The following SLC13A3 variants were observed in gnomAD, a reference collection of about 807,000 sequenced individuals.
SLC13A3 encodes the protein solute carrier family 13 member 3, also known as Na(+)/dicarboxylate cotransporter 3.
SLC13A3 carries 40 observed loss-of-function variants against 59.0 expected under a neutral mutation model. The observed-to-expected ratio is 0.68, with a 90% CI of 0.53 to 0.88. SLC13A3 has a LOEUF of 0.88. Ranked by LOEUF, SLC13A3 falls within the 40% of genes least tolerant of loss-of-function variation. The pLI is 0.00. For synonymous variants in SLC13A3, 317 were observed against 330.3 expected (o/e 0.96, Z 0.44); for missense variants, 699 against 783.2 (o/e 0.89, Z 1.28).
At chr20:46,669,147 T>G (rs974296482) in intron 1 of SLC13A3, among the ~76,000 whole-genome samples, 1 of 152,194 alleles carries the variant, frequency 6.6e-6, no homozygotes, top group Non-Finnish European at 1.5e-5. Flanking sequence ...ACTGAACTCT[T>G]TTTCTTGTTG....
chr20:46,625,253 C>T (rs1186448394), intron 1 of SLC13A3, among the ~76,000 whole-genome samples: 1 of 152,212 alleles, frequency 6.6e-6, no homozygotes, highest in Non-Finnish European at 1.5e-5. Flanking sequence ...GAAAGGATTT[C>T]ACTTCAAATC....
intron 3 of SLC13A3, among the ~76,000 whole-genome samples, chr20:46,604,451 A>T (rs1230047510): frequency 6.6e-6 from 1 of 152,218 alleles, no homozygotes; most frequent in African/African-American, 2.4e-5. Context: ...CCCAAGCAAG[A>T]CACAAAAAAA....
At chr20:46,647,734 C>G (rs1205829780) in intron 1 of SLC13A3, among the ~76,000 whole-genome samples, 2 of 152,176 alleles carry the variant, frequency 1.3e-5, no homozygotes, top group African/African-American at 4.8e-5. Flanking sequence ...TCACCAGTCA[C>G]CAGGAACAGG....
intron 9 of SLC13A3, chr20:46,582,538 G>T: frequency 1.5e-6 from 1 of 684,150 alleles, no homozygotes; most frequent in Non-Finnish European, 1.8e-6. Flanking sequence ...AAGAGTTCGA[G>T]ACTGCGCTGA....
chr20:46,559,940 A>G lies in SLC13A3; in HGVS notation c.*82T>C. The G allele has an allele frequency of 1.5e-6, 2 of 1,361,728 alleles. No individual in the cohort carries two copies. The highest frequency in any genetic ancestry group is 2.7e-5 in the South Asian group (2 of 75,038). 84.4% of individuals were successfully genotyped at this position (1,361,728 alleles called of 1,614,324 possible). On this transcript the variant is annotated 3_prime_UTR_variant, in exon 13 of 13. Coordinates refer to ENST00000279027, the MANE Select transcript of SLC13A3 (RefSeq NM_022829.6). ...TTGGATTACAGAAAAGAATTATTTG[A>G]TTGTTTTGTAGTGTCCTAGCAGCAG... is the stretch of plus-strand genomic sequence containing the variant.
At position 46,621,109 on chromosome 20, in the gene SLC13A3, A is replaced by G. The variant is rs183020669; in HGVS notation, c.112-7384T>C. On this transcript the variant is annotated intron_variant, in intron 1 of 12. Coordinates refer to ENST00000279027, the MANE Select transcript of SLC13A3 (RefSeq NM_022829.6). ...GGCATTTTCCTAATTGACTTTCTGG[A>G]GGGCCAAAGAACAATAACATCTGCT... Among the ~76,000 whole-genome samples, 24 of 152,332 alleles carry G rather than the reference A, an allele frequency of 1.6e-4. No homozygotes were observed. In the East Asian group the frequency reaches 4.4e-3, roughly 28 times the overall value.
intron 9 of SLC13A3, among the ~76,000 whole-genome samples, chr20:46,579,700 G>A (rs546677772): frequency 4.3e-4 from 65 of 152,288 alleles, no homozygotes; most frequent in Middle Eastern, 3.4e-3. Flanking sequence ...TAACACACAT[G>A]TTTTAGTGCT....
intron 3 of SLC13A3, among the ~76,000 whole-genome samples, chr20:46,609,352 C>T (rs1048867101): frequency 6.6e-6 from 1 of 152,172 alleles, no homozygotes; most frequent in Non-Finnish European, 1.5e-5. Flanking sequence ...CCTAAAAATA[C>T]AATGGCTGTG....
Position 46,575,674 on chromosome 20 carries a change from C to T in SLC13A3, c.1231G>A (p.Glu411Lys), listed in dbSNP as rs1209055061. ...WWFDFKAPNT[E>K]TEPLLTWKKA... Reference sequence around the variant, plus strand: ...TTCCAGGTCAGCAAGGGCTCTGTCTCTGTGTTGGGAGCTGGGCAGAGAGAG... The same window carrying T: ...TTCCAGGTCAGCAAGGGCTCTGTCTTTGTGTTGGGAGCTGGGCAGAGAGAG... The change falls in exon 10 of 13, where the codon GAG becomes AAG. Residue 411 changes from glutamate to lysine, a missense_variant. Physicochemically the swap from Glu to Lys is moderately conservative, Grantham distance 56. Coordinates refer to ENST00000279027, the MANE Select transcript of SLC13A3 (RefSeq NM_022829.6). 1 of 1,592,374 alleles carries T rather than the reference C, an allele frequency of 6.3e-7. No individual in the cohort carries two copies. Among genetic ancestry groups the T allele is most frequent in the African/African-American group, 1.3e-5 (1 of 74,472 alleles).
chr20:46,636,887 G>A (rs570272834), intron 1 of SLC13A3, among the ~76,000 whole-genome samples: 4 of 151,430 alleles, frequency 2.6e-5, no homozygotes, highest in Non-Finnish European at 4.4e-5. Flanking sequence ...TGCAGCCTCC[G>A]CCTCCTGGGT....
intron 1 of SLC13A3, among the ~76,000 whole-genome samples, chr20:46,648,044 CTT>C (rs2062911929): frequency 6.6e-6 from 1 of 152,172 alleles, no homozygotes; most frequent in African/African-American, 2.4e-5. Flanking sequence ...GGACGCCTGT[CTT>C]GAATTGCCCA....
intron 1 of SLC13A3, among the ~76,000 whole-genome samples, chr20:46,642,448 C>A (rs6011999): frequency 0.039 from 6,001 of 152,284 alleles, 358 homozygotes; most frequent in African/African-American, 0.13. Context: ...AAGTACCCAG[C>A]ATAACACCTG....
chr20:46,589,828 C>T (rs1396454898), intron 6 of SLC13A3, among the ~76,000 whole-genome samples: 2 of 152,316 alleles, frequency 1.3e-5, no homozygotes, highest in Non-Finnish European at 1.5e-5. Context: ...CCCTACCTCA[C>T]ACCAAATACA....
chr20:46,590,429 C>T (rs887959254), intron 6 of SLC13A3, among the ~76,000 whole-genome samples: 3 of 152,050 alleles, frequency 2.0e-5, no homozygotes, highest in African/African-American at 4.8e-5. Context: ...AGAATAAGCA[C>T]TCATCTTTCT....
intron 1 of SLC13A3, among the ~76,000 whole-genome samples, chr20:46,645,397 G>A (rs1356234337): frequency 1.3e-5 from 2 of 152,128 alleles, no homozygotes; most frequent in African/African-American, 2.4e-5. Context: ...CCACATGCCC[G>A]AGATTTCCTT....
At chr20:46,628,661 C>T (rs2062703751) in intron 1 of SLC13A3, among the ~76,000 whole-genome samples, 1 of 152,206 alleles carries the variant, frequency 6.6e-6, no homozygotes, top group Non-Finnish European at 1.5e-5. Flanking sequence ...TAGTGCTGGC[C>T]TGTCTAAACA....
At chr20:46,610,711 C>T (rs772793735) in intron 2 of SLC13A3, 102 bp from the exon 3 acceptor site, 108 of 964,462 alleles carry the variant, frequency 1.1e-4, no homozygotes, top group Middle Eastern at 3.4e-4. Context: ...ATCCATTTTA[C>T]AGATGGAAAC....
chr20:46,662,295 TATC>T (rs2063035419), intron 1 of SLC13A3, among the ~76,000 whole-genome samples: 1 of 152,204 alleles, frequency 6.6e-6, no homozygotes, highest in African/African-American at 2.4e-5. Context: ...AACAGTCTCT[TATC>T]ATTTCCTATA....
intron 1 of SLC13A3, among the ~76,000 whole-genome samples, chr20:46,638,501 C>T (rs1224333954): frequency 6.6e-6 from 1 of 152,184 alleles, no homozygotes; most frequent in African/African-American, 2.4e-5. Flanking sequence ...CTGACTGCTG[C>T]GGACAGAGGG....
Sources: allele counts gnomAD v4.1 joint callset (sites outside exome capture counted in the v4.1 genomes callset), GRCh38; gene constraint gnomAD v4.1.1; transcripts MANE v1.5; gene names NCBI Gene and HGNC (gene_info 2026-07-23, HGNC 2026-07-21).